COP1: variants seen among roughly 807,000 people sequenced by gnomAD.
The protein encoded by COP1 is E3 ubiquitin-protein ligase COP1.
COP1 carries 24 observed loss-of-function variants against 101.3 expected under a neutral mutation model. That is an observed-to-expected ratio of 0.24 (90% CI 0.17 to 0.33). The LOEUF is 0.33. Among genes scored for constraint, COP1 ranks in the 10% least tolerant of loss-of-function variants. The probability of loss-of-function intolerance (pLI) is 1.00; values close to 1 mark genes in which losing one functional copy is unlikely to be tolerated. For synonymous variants in COP1, 347 were observed against 341.9 expected (o/e 1.01, Z -0.17); for missense variants, 663 against 906.2 (o/e 0.73, Z 3.45).
rs187529225 is a variant in COP1, at chr1:176,164,694, C to A, written c.566-803G>T. On this transcript the variant is annotated intron_variant, in intron 3 of 19. Transcript: ENST00000367669. ...TGGAAGAAAAGAACAAGAGAAAGAA[C>A]CTGACAATACCACTGAACCACTGAT... is the stretch of plus-strand genomic sequence containing the variant. 1.3e-3 allele frequency among the ~76,000 whole-genome samples: 193 copies of A among 152,264 alleles called. 2 individuals carry two copies. Among genetic ancestry groups the A allele is most frequent in the African/African-American group, 4.4e-3 (183 of 41,540 alleles).
intron 6 of COP1, among the ~76,000 whole-genome samples, chr1:176,145,921 T>C (rs1484927930): frequency 6.6e-6 from 1 of 152,214 alleles, no homozygotes; most frequent in African/African-American, 2.4e-5. Flanking sequence ...TCAGCCGTTC[T>C]AGCAGTATTG....
chr1:176,174,215 T>C lies in COP1; in HGVS notation c.565+1695A>G, dbSNP rs76790459. Among the ~76,000 whole-genome samples, 1,177 of 152,008 alleles carry C rather than the reference T, an allele frequency of 7.7e-3. 7 individuals are homozygous for C. The highest frequency in any genetic ancestry group is 0.031 in the South Asian group (151 of 4,816). ...CACATTCCTTTATATATTTAACCAC[T>C]CCAAAAGAGTAAGTAGTTTTCCAAA... On this transcript the variant is annotated intron_variant, in intron 3 of 19. Transcript: ENST00000367669.
intron 9 of COP1, among the ~76,000 whole-genome samples, chr1:176,093,672 TA>T: frequency 6.6e-6 from 1 of 152,100 alleles, no homozygotes; most frequent in Non-Finnish European, 1.5e-5. Flanking sequence ...ACCCCGTCTC[TA>T]CTAAAAATAA....
At chr1:176,114,220 T>G (rs1017652521) in intron 9 of COP1, among the ~76,000 whole-genome samples, 1 of 152,162 alleles carries the variant, frequency 6.6e-6, no homozygotes, top group Non-Finnish European at 1.5e-5. Flanking sequence ...ATGTATTCCA[T>G]TATGTCTTAC....
intron 9 of COP1, among the ~76,000 whole-genome samples, chr1:176,107,153 T>C (rs1346909582): frequency 6.6e-6 from 1 of 152,172 alleles, no homozygotes; most frequent in African/African-American, 2.4e-5. Flanking sequence ...TCAAACACAG[T>C]GATTAATATG....
intron 15 of COP1, among the ~76,000 whole-genome samples, chr1:175,994,811 C>T (rs998620690): frequency 2.0e-5 from 3 of 152,110 alleles, no homozygotes; most frequent in East Asian, 1.9e-4. Flanking sequence ...CTTTAACACG[C>T]CACTGTCAAC....
intron 9 of COP1, among the ~76,000 whole-genome samples, chr1:176,087,983 T>C (rs1369025623): frequency 1.3e-5 from 2 of 152,176 alleles, no homozygotes; most frequent in Admixed American, 6.5e-5. Flanking sequence ...GAAACCATCA[T>C]TCTCAGCAAA....
intron 10 of COP1, among the ~76,000 whole-genome samples, chr1:176,084,739 G>C (rs1041055841): frequency 5.9e-5 from 9 of 152,126 alleles, no homozygotes; most frequent in Admixed American, 5.2e-4. Context: ...CACTAATCGT[G>C]AGGCAAATTT....
At chr1:176,024,371 A>T (rs1336548997) in intron 15 of COP1, among the ~76,000 whole-genome samples, 3 of 152,230 alleles carry the variant, frequency 2.0e-5, no homozygotes, top group Non-Finnish European at 2.9e-5. Flanking sequence ...TTACTATAGT[A>T]TGGGACATCA....
chr1:176,142,659 T>C (rs1690883650), intron 6 of COP1, among the ~76,000 whole-genome samples: 1 of 151,962 alleles, frequency 6.6e-6, no homozygotes, highest in Non-Finnish European at 1.5e-5. Context: ...AAATATTATA[T>C]TCAAAGAAAG....
intron 3 of COP1, among the ~76,000 whole-genome samples, chr1:176,169,740 T>G (rs184959361): frequency 9.2e-5 from 14 of 152,300 alleles, no homozygotes; most frequent in African/African-American, 3.1e-4. Context: ...GTCACTGAAG[T>G]CTAGGCTGGC....
intron 11 of COP1, among the ~76,000 whole-genome samples, chr1:176,055,777 T>G (rs758611271): frequency 1.8e-4 from 28 of 152,188 alleles, no homozygotes; most frequent in Non-Finnish European, 2.9e-4. Context: ...TAAAAGCTCA[T>G]GAATTGATTT....
chr1:176,129,368 A>T (rs757037091), intron 8 of COP1, among the ~76,000 whole-genome samples: 8 of 151,886 alleles, frequency 5.3e-5, no homozygotes, highest in Non-Finnish European at 1.2e-4. Flanking sequence ...TTTTATTCAT[A>T]AATCTCCTCC....
At chr1:176,079,405 A>G (rs1414297805) in intron 11 of COP1, among the ~76,000 whole-genome samples, 1 of 152,182 alleles carries the variant, frequency 6.6e-6, no homozygotes, top group Non-Finnish European at 1.5e-5. Flanking sequence ...GTATATTCTC[A>G]CTTGTAAGTG....
chr1:176,070,574 A>C (rs1676810845), intron 11 of COP1, among the ~76,000 whole-genome samples: 1 of 152,138 alleles, frequency 6.6e-6, no homozygotes, highest in South Asian at 2.1e-4. Context: ...AGGCAGGAGA[A>C]TCACTTGAAC....
chr1:176,036,418 G>A (rs551430901), intron 14 of COP1, among the ~76,000 whole-genome samples: 29 of 149,546 alleles, frequency 1.9e-4, no homozygotes, highest in Non-Finnish European at 3.4e-4. Flanking sequence ...ATAAATAAAC[G>A]AGAGGACACA....
intron 8 of COP1, among the ~76,000 whole-genome samples, chr1:176,122,372 T>G (rs1273622672): frequency 2.0e-5 from 3 of 152,098 alleles, no homozygotes; most frequent in Non-Finnish European, 4.4e-5. Context: ...CTGTTACCTT[T>G]CCAAAATCGG....
At position 176,135,056 on chromosome 1, in the gene COP1, C is replaced by G; in HGVS notation, c.922G>C (p.Glu308Gln). The change falls in exon 8 of 20, where the codon GAG (glutamate) becomes CAG (glutamine). Residue 308 changes from glutamate (E) to glutamine (Q), a missense_variant. Physicochemically the swap from Glu to Gln is conservative, Grantham distance 29. Transcript: ENST00000367669. ...TCAAATTGAGGCACTGTGCTATCCTCACTGACAGGAGAGTATAAGCCACTC... is the reference window on the plus strand; with the variant it reads ...TCAAATTGAGGCACTGTGCTATCCTGACTGACAGGAGAGTATAAGCCACTC... ...EMSGLYSPVS[E>Q]DSTVPQFEAP... The G allele has an allele frequency of 6.2e-7, 1 of 1,610,304 alleles. No homozygotes were observed. The highest frequency in any genetic ancestry group is 8.5e-7 in the Non-Finnish European group (1 of 1,177,194).
chr1:176,195,741 G>A (rs767473465), intron 1 of COP1, among the ~76,000 whole-genome samples: 9 of 152,124 alleles, frequency 5.9e-5, no homozygotes, highest in Non-Finnish European at 1.0e-4. Context: ...GTAGCAACAC[G>A]GATGCAGCTG....
Sources: allele counts gnomAD v4.1 joint callset (sites outside exome capture counted in the v4.1 genomes callset), GRCh38; gene constraint gnomAD v4.1.1; transcripts MANE v1.5; gene names NCBI Gene and HGNC (gene_info 2026-07-23, HGNC 2026-07-21).